Variants in TMC6 observed in about 807,000 individuals in gnomAD.
The protein encoded by TMC6 is transmembrane channel like 6.
Under a neutral mutation model 95.4 loss-of-function variants are expected in TMC6, and 71 were observed. The observed-to-expected ratio is 0.74, with a 90% CI of 0.61 to 0.91. The LOEUF (loss-of-function observed/expected upper bound fraction) is 0.91, where lower values mean the gene tolerates loss of function less well. TMC6 is among the 40% of genes least tolerant of loss of function. The pLI, the probability that TMC6 is intolerant of heterozygous loss-of-function variation, is 0.00. For missense variants in TMC6, 1,074 were observed against 1,079.1 expected, an observed-to-expected ratio of 1.00 and a Z score of 0.07; for synonymous variants, 514 against 483.1, an observed-to-expected ratio of 1.06 and a Z score of -0.84.
upstream of TMC6, chr17:78,131,119 G>C (rs147352708): frequency 4.3e-6 from 1 of 230,046 alleles, no homozygotes; most frequent in South Asian, 4.7e-5. Flanking sequence ...AGGCTCTTCC[G>C]GAAGGGCAAA....
intron 13 of TMC6, 59 bp downstream of exon 13, chr17:78,120,594 C>A (rs2074363425): frequency 3.7e-5 from 56 of 1,522,908 alleles, no homozygotes; most frequent in Non-Finnish European, 4.8e-5. Flanking sequence ...CTCCCGGCCA[C>A]ACGTCCCGGC....
Position 78,117,948 on chromosome 17 carries a change from G to C in TMC6, c.1888-13C>G, listed in dbSNP as rs758762200. Reference sequence around the variant, plus strand: ...CCAGAAGGCTGGTCTGTGGGGAAAGGCTGCGCTCTGCCACCATCCTGCTAC... The same window carrying C: ...CCAGAAGGCTGGTCTGTGGGGAAAGCCTGCGCTCTGCCACCATCCTGCTAC... On this transcript the variant is annotated splice_polypyrimidine_tract_variant and intron_variant, in intron 15 of 19. Transcript: ENST00000590602. 91 of 1,592,302 alleles carry C rather than the reference G, an allele frequency of 5.7e-5. No individual in the cohort carries two copies. In the Admixed American group the frequency reaches 1.6e-3, roughly 28 times the overall value.
chr17:78,115,459 C>T lies in TMC6; in HGVS notation c.2277+1810G>A, dbSNP rs182208554. On this transcript the variant is annotated intron_variant, in intron 18 of 19. Transcript: ENST00000590602. ...GGGAGGGCAGAGCCCAGCAGCAGGA[C>T]GCAAGCCTGGAAAAGCCACAGGACC... Among the ~76,000 whole-genome samples, 103 of 152,216 alleles carry T rather than the reference C, an allele frequency of 6.8e-4. 1 individual carries two copies. The highest frequency in any genetic ancestry group is 2.2e-3 in the African/African-American group (90 of 41,544).
chr17:78,107,916 A>G lies in TMC6; in HGVS notation c.*5232T>C, dbSNP rs141285789. 2.2e-4 allele frequency: 33 copies of G among 152,306 alleles called. No homozygotes were observed. The highest frequency in any genetic ancestry group is 7.5e-4 in the African/African-American group (31 of 41,562). The allele number at this position is 152,306 out of a possible 1,614,324, so 9.4% of individuals were successfully genotyped here. ...GACATTTTATGCATCTATTTTTGTA[A>G]AATCACCTTCGCTAACTTTCACCAA... On this transcript the variant is annotated 3_prime_UTR_variant, in exon 20 of 20. Coordinates refer to ENST00000590602, the MANE Select transcript of TMC6 (RefSeq NM_001127198.5).
chr17:78,132,329 T>C (rs1315868951), upstream of TMC6: 3 of 1,611,336 alleles, frequency 1.9e-6, no homozygotes, highest in Non-Finnish European at 2.5e-6. Flanking sequence ...GGCCCCGGCC[T>C]CCCTGACCCA....
chr17:78,113,665 T>TCAGCC, intron 18 of TMC6, 41 bp from the exon 19 acceptor site: 2 of 1,605,098 alleles, frequency 1.2e-6, no homozygotes, highest in Non-Finnish European at 1.7e-6. Context: ...AAATCATCCA[T>TCAGCC]CAGCCCATCC....
At chr17:78,130,880 T>C (rs1347254306), upstream of TMC6, 1 of 154,450 alleles carries the variant, frequency 6.5e-6, no homozygotes, top group Non-Finnish European at 1.4e-5. Flanking sequence ...GGAGGGAGAA[T>C]GCAGAGGGTG....
chr17:78,125,639 C>A, intron 5 of TMC6, 87 bp downstream of exon 5: 1 of 1,523,072 alleles, frequency 6.6e-7, no homozygotes, highest in Non-Finnish European at 8.8e-7. Context: ...TCTGCAGCAC[C>A]CCAGCCACCG....
In TMC6 at chr17:78,123,609, A is replaced by ATGGG. The variant is rs1163993674; in HGVS notation, c.1082+379_1082+380insCCCA. The stretch of plus-strand genomic sequence containing the variant: ...AATGGATGGATGGGTGGGTGAATGG[A>ATGGG]TGAATGGGTGGATGGGTGGATGGGT... On this transcript the variant is annotated intron_variant, in intron 9 of 19. Transcript: ENST00000590602. Among the ~76,000 whole-genome samples the ATGGG allele has an allele frequency of 2.3e-4, 16 of 69,746 alleles. No homozygotes were observed. The East Asian group carries it at 5.7e-3, about 25-fold the overall frequency. 45.8% of individuals were successfully genotyped at this position (69,746 alleles called of 152,430 possible).
At position 78,125,245 on chromosome 17, in the gene TMC6, A is replaced by C; in HGVS notation, c.449T>G (p.Val150Gly). The change falls in exon 6 of 20, where the codon GTG becomes GGG. Residue 150 changes from valine to glycine, a missense_variant. Transcript: ENST00000590602. ...LEEEEKQSLLVKELQSLAVAQ... is the reference protein window; with the variant it reads ...LEEEEKQSLLGKELQSLAVAQ... ...CACTGCCAGGCTCTGGAGCTCCTTC[A>C]CCAGGAGGCTCTGCTTCTCTGCGAG... 1 of 1,579,810 alleles carries C rather than the reference A, an allele frequency of 6.3e-7. No individual in the cohort carries two copies. The highest frequency in any genetic ancestry group is 8.6e-7 in the Non-Finnish European group (1 of 1,162,280).
At chr17:78,126,962 A>G (rs143129404) in intron 1 of TMC6, 56 bp from the exon 2 acceptor site, 183 of 1,073,786 alleles carry the variant, frequency 1.7e-4, no homozygotes, top group Admixed American at 2.4e-4. Context: ...GCAGCTGTCC[A>G]CACCACCCAT....
At chr17:78,127,015 T>A in intron 1 of TMC6, 109 bp from the exon 2 acceptor site, 1 of 693,522 alleles carries the variant, frequency 1.4e-6, no homozygotes, top group Non-Finnish European at 2.5e-6. Flanking sequence ...GCCCAGACAG[T>A]CCCGCCCACC....
At position 78,118,723 on chromosome 17, in the gene TMC6, A is replaced by G. The variant is rs563260222; in HGVS notation, c.1887+248T>C. The stretch of plus-strand genomic sequence containing the variant: ...CAGAGCCCTGGCCCTACCCCTGGCC[A>G]GGTGCACACAGGTACCTGCTAATGA... On this transcript the variant is annotated intron_variant, in intron 15 of 19. Coordinates refer to ENST00000590602, the MANE Select transcript of TMC6 (RefSeq NM_001127198.5). 2.8e-3 allele frequency among the ~76,000 whole-genome samples: 433 copies of G among 152,258 alleles called. 5 individuals are homozygous for G. Among genetic ancestry groups the G allele is most frequent in the African/African-American group, 9.6e-3 (400 of 41,546 alleles).
Position 78,122,290 on chromosome 17 carries a change from G to A in TMC6, c.1227+315C>T, listed in dbSNP as rs1004287123. On this transcript the variant is annotated intron_variant, in intron 10 of 19. Transcript: ENST00000590602. The surrounding 1 kb of genome is among the most constrained non-coding windows in gnomAD (Gnocchi z 4.9). ...TCCTATGGCCACCAACCAAGCTAAC[G>A]CCAGCCAGGGAGCATGTGCCAGCTG... Among the ~76,000 whole-genome samples, 5 of 152,040 alleles carry A rather than the reference G, an allele frequency of 3.3e-5. No homozygotes were observed. The highest frequency in any genetic ancestry group is 5.9e-5 in the Non-Finnish European group (4 of 68,000).
intron 18 of TMC6, among the ~76,000 whole-genome samples, chr17:78,115,551 G>T (rs1156785190): frequency 6.6e-6 from 1 of 152,184 alleles, no homozygotes; most frequent in Non-Finnish European, 1.5e-5. Flanking sequence ...GTAGCCCGGG[G>T]GGAAAGTGCC....
In TMC6 at chr17:78,119,314, A is replaced by T. The variant is rs750557036; in HGVS notation, c.1794T>A (p.Tyr598Ter). Residue 598 changes from tyrosine (Y) to a stop codon, truncating the protein, a stop_gained, in exon 14 of 20, where the codon TAT (tyrosine) becomes TAA (stop). Transcript: ENST00000590602. LOFTEE classifies it high-confidence loss of function. The part of the protein sequence containing the change: ...DIARNVLELI[Y>*]GQTLTWLGVL... The stretch of plus-strand genomic sequence containing the variant: ...ACCCTCACCAGGTCAGAGTCTGCCC[A>T]TAAATCAGCTCCAGGACATTCCGGG... 1.9e-6 allele frequency: 3 copies of T among 1,614,066 alleles called. No homozygotes were observed. In the South Asian group the frequency reaches 3.3e-5, roughly 18 times the overall value.
rs771048716 is a variant in TMC6 at position 78,124,692 on chromosome 17, G to T, written c.723C>A (p.Phe241Leu). The T allele has an allele frequency of 1.9e-6, 3 of 1,603,230 alleles. No individual in the cohort carries two copies. The highest frequency in any genetic ancestry group is 2.6e-6 in the Non-Finnish European group (3 of 1,175,352). Residue 241 changes from phenylalanine to leucine, a missense_variant, in exon 8 of 20, where the codon TTC becomes TTA. Transcript: ENST00000590602. ...RYALKRIGGQ[F>L]GSSVLSYFLF... ...GGAAGTAGGAGAGCACGCTGGAGCC[G>T]AACTGGCCCCCGATGCGCTTCAGGG...
In TMC6 at chr17:78,121,719, C is replaced by T. The variant is rs150703149; in HGVS notation, c.1228-8G>A. The T allele has an allele frequency of 8.8e-3, 13,827 of 1,574,284 alleles. 68 individuals are homozygous for T. Among genetic ancestry groups the T allele is most frequent in the African/African-American group, 0.012 (912 of 74,410 alleles). ...CCACTCGGCCAGCAGCTCCTGCAGG[C>T]GGCACCGTGTCCCCGTCACCCACAC... On this transcript the variant is annotated splice_polypyrimidine_tract_variant and splice_region_variant and intron_variant, in intron 10 of 19. Coordinates refer to ENST00000590602, the MANE Select transcript of TMC6 (RefSeq NM_001127198.5). The surrounding 1 kb of genome is among the most constrained non-coding windows in gnomAD (Gnocchi z 5.6).
At chr17:78,115,602 C>T (rs190156878) in intron 18 of TMC6, among the ~76,000 whole-genome samples, 77 of 147,952 alleles carry the variant, frequency 5.2e-4, no homozygotes, top group African/African-American at 1.8e-3. Context: ...CAAGGAGGTC[C>T]TCCTGGGCAG....
Sources: allele counts gnomAD v4.1 joint callset (sites outside exome capture counted in the v4.1 genomes callset), GRCh38; gene constraint gnomAD v4.1.1; non-coding constraint Gnocchi (gnomAD v3.1); transcripts MANE v1.5; gene names NCBI Gene and HGNC (gene_info 2026-07-23, HGNC 2026-07-21).